TEP1: variants seen among roughly 807,000 people sequenced by gnomAD.
TEP1 encodes telomerase protein component 1.
A neutral mutation model predicts 306.3 loss-of-function variants in TEP1; 241 were observed. The ratio of observed to expected loss-of-function variants is 0.79; its 90% CI spans 0.71 to 0.88. The LOEUF (loss-of-function observed/expected upper bound fraction) is 0.88, where lower values mean the gene tolerates loss of function less well. Ranked by LOEUF, TEP1 falls within the 40% of genes least tolerant of loss-of-function variation. The probability of loss-of-function intolerance (pLI) is 0.00; values close to 1 mark genes in which losing one functional copy is unlikely to be tolerated. For missense variants in TEP1, 3,051 were observed against 3,276.1 expected (o/e 0.93, Z 1.68); for synonymous variants, 1,289 against 1,305.5 (o/e 0.99, Z 0.27).
chr14:20,369,763 C>T lies in TEP1; in HGVS notation c.7334G>A (p.Gly2445Glu), dbSNP rs199748092. The change falls in exon 52 of 55, where the codon GGA becomes GAA. Residue 2445 changes from glycine to glutamate, a missense_variant. By Grantham distance (98) the Gly-to-Glu change is moderately conservative. Around this residue, in one of 3 missense-constraint regions of TEP1, gnomAD observed 1,540 missense variants for 1,705.9 expected, o/e 0.90. Transcript: ENST00000262715. ...AAAGTTCAGCCTCTCTTCAAACTCT[C>T]CTGATTCCTTTTGCCTCTGTGAAAG... Reference protein sequence around the residue: ...VLSFLRQKESGEFEERLNFDI... With the variant: ...VLSFLRQKESEEFEERLNFDI... The T allele has an allele frequency of 3.7e-6, 6 of 1,614,046 alleles. No individual in the cohort carries two copies. In the East Asian group the frequency reaches 1.1e-4, roughly 30 times the overall value.
intron 1 of TEP1, among the ~76,000 whole-genome samples, chr14:20,408,918 C>T (rs1314185478): frequency 4.6e-5 from 7 of 151,938 alleles, no homozygotes; most frequent in Admixed American, 4.6e-4. Flanking sequence ...ACCCCCCTGA[C>T]CCCCGCTGCA....
chr14:20,368,747 T>C (rs371032172), intron 54 of TEP1, 51 bp downstream of exon 54: 44 of 1,501,704 alleles, frequency 2.9e-5, no homozygotes, highest in Non-Finnish European at 3.7e-5. Context: ...CCCTTTGGGA[T>C]AGGTGTGCAG....
rs1244951681 is a variant in TEP1, at chr14:20,406,321, TC to T, written c.646del (p.Glu216ArgfsTer8). 6.2e-7 allele frequency: 1 copy of T among 1,614,088 alleles called. No homozygotes were observed. Among genetic ancestry groups the T allele is most frequent in the Non-Finnish European group, 8.5e-7 (1 of 1,180,004 alleles). ...PSYSLSLGEEEEVEDLAVKLT... is the reference protein window; with the variant it reads ...PSYSLSLGEEXEVEDLAVKLT... ...CTTCACGGCCAGATCCTCCACCTCC[TC>T]CTCCTCTCCCAAGCTCAGACTATAA... On this transcript the variant is annotated frameshift_variant, in exon 3 of 55. Transcript: ENST00000262715. LOFTEE classifies it high-confidence loss of function.
chr14:20,386,666 C>T, intron 18 of TEP1, 43 bp from the exon 19 acceptor site: 1 of 1,519,930 alleles, frequency 6.6e-7, no homozygotes, highest in Non-Finnish European at 8.8e-7. Context: ...GGGATGATTC[C>T]CACCCCCCAT....
At chr14:20,374,220 G>A (rs777909204) in intron 44 of TEP1, among the ~76,000 whole-genome samples, 2 of 151,974 alleles carry the variant, frequency 1.3e-5, no homozygotes, top group Non-Finnish European at 2.9e-5. Context: ...CTCCTGAGTA[G>A]CTAGAACTAC....
At position 20,391,772 on chromosome 14, in the gene TEP1, A is replaced by C; in HGVS notation, c.1929-5T>G. The C allele has an allele frequency of 1.2e-6, 2 of 1,613,544 alleles. No homozygotes were observed. The highest frequency in any genetic ancestry group is 1.7e-6 in the Non-Finnish European group (2 of 1,179,532). ...TCACCATCATATTTCCACTGTCTAC[A>C]TGCAAGAAAGACACAGACACAGGGG... is the stretch of plus-strand genomic sequence containing the variant. On this transcript the variant is annotated splice_region_variant and splice_polypyrimidine_tract_variant and intron_variant, in intron 12 of 54. Transcript: ENST00000262715.
Position 20,384,653 on chromosome 14 carries a change from C to T in TEP1, c.3168G>A (p.Arg1056=). ...FVSESEEAAR[R]ISELKSYLSR... is the part of the protein sequence containing the mutation. ...TTAGGTAGCTCTTCAGTTCTGAGAT[C>T]CGACGTGCGGCCTCTTCAGACTCAG... The change falls in exon 22 of 55, where the codon CGG becomes CGA. Residue 1056 remains arginine (R), a synonymous_variant. Transcript: ENST00000262715. 6.2e-7 allele frequency: 1 copy of T among 1,613,964 alleles called. No individual in the cohort carries two copies. The highest frequency in any genetic ancestry group is 8.5e-7 in the Non-Finnish European group (1 of 1,180,038).
chr14:20,393,060 C>CA (rs1877860185), intron 12 of TEP1, among the ~76,000 whole-genome samples: 1 of 151,604 alleles, frequency 6.6e-6, no homozygotes, highest in African/African-American at 2.4e-5. Context: ...AAAAAAAATA[C>CA]AAAAAAATTA....
chr14:20,394,784 A>C (rs1878047916), intron 12 of TEP1, among the ~76,000 whole-genome samples: 1 of 152,132 alleles, frequency 6.6e-6, no homozygotes, highest in South Asian at 2.1e-4. Flanking sequence ...GTGAGCCACC[A>C]CACCCAGCCA....
intron 16 of TEP1, 102 bp downstream of exon 16, chr14:20,389,508 G>A: frequency 6.5e-7 from 1 of 1,544,604 alleles, no homozygotes; most frequent in Non-Finnish European, 8.8e-7. Flanking sequence ...CAGAGTTGGG[G>A]AGATCCCTGC....
chr14:20,387,424 C>T (rs1157765848), intron 18 of TEP1, among the ~76,000 whole-genome samples: 5 of 150,908 alleles, frequency 3.3e-5, no homozygotes, highest in African/African-American at 4.9e-5. Flanking sequence ...TGGTGGCAGG[C>T]GCCTGTAGTC....
intron 15 of TEP1, 68 bp downstream of exon 15, chr14:20,390,611 GAA>G: frequency 6.7e-7 from 1 of 1,485,966 alleles, no homozygotes; most frequent in Middle Eastern, 1.7e-4. Context: ...TAAAGGTCAA[GAA>G]ATGAAATATA....
In TEP1 at chr14:20,369,356, C is replaced by T; in HGVS notation, c.7644G>A (p.Arg2548=). ...CCTTCAAACTCACCTTTCTACGCTG[C>T]CGTGTCTTTAGATGTGGTGTTGGCT... The part of the protein sequence containing the change: ...DSEPTPHLKT[R]QRRKIHSGSV... The change falls in exon 53 of 55, where the codon CGG becomes CGA. Residue 2548 remains arginine, a synonymous_variant. Transcript: ENST00000262715. The T allele has an allele frequency of 6.2e-7, 1 of 1,614,110 alleles. No individual in the cohort carries two copies. Among genetic ancestry groups the T allele is most frequent in the Non-Finnish European group, 8.5e-7 (1 of 1,180,008 alleles).
intron 7 of TEP1, among the ~76,000 whole-genome samples, chr14:20,403,032 C>A (rs768798273): frequency 6.6e-6 from 1 of 152,010 alleles, no homozygotes; most frequent in Non-Finnish European, 1.5e-5. Flanking sequence ...TGGCACACGC[C>A]TGTAGTCCCA....
intron 33 of TEP1, 60 bp from the exon 34 acceptor site, chr14:20,380,535 C>A: frequency 6.5e-7 from 1 of 1,549,114 alleles, no homozygotes; most frequent in African/African-American, 1.4e-5. Context: ...GCCCCAGCAC[C>A]AAATAAAACC....
Position 20,391,694 on chromosome 14 carries a change from T to G in TEP1, c.2002A>C (p.Lys668Gln). 1 of 1,614,216 alleles carries G rather than the reference T, an allele frequency of 6.2e-7. No individual in the cohort carries two copies. Among genetic ancestry groups the G allele is most frequent in the Non-Finnish European group, 8.5e-7 (1 of 1,180,038 alleles). ...CCTGGCAGCAGGGGCAGGCTGTGCTTCACAGAGAGGTTCACAGCTGTCTCT... is the reference window on the plus strand; with the variant it reads ...CCTGGCAGCAGGGGCAGGCTGTGCTGCACAGAGAGGTTCACAGCTGTCTCT... ...ALETAVNLSV[K>Q]HSLPLLPGRT... The change falls in exon 13 of 55, where the codon AAG becomes CAG. Residue 668 changes from lysine to glutamine, a missense_variant. This residue lies in a region of TEP1 where 1,507 missense variants were observed against 1,550.5 expected (regional missense o/e 0.97). Transcript: ENST00000262715.
chr14:20,381,581 T>C lies in TEP1; in HGVS notation c.4530A>G (p.Leu1510=). 1.2e-6 allele frequency: 2 copies of C among 1,613,886 alleles called. No homozygotes were observed. The highest frequency in any genetic ancestry group is 2.2e-5 in the East Asian group (1 of 44,880). The change falls in exon 31 of 55, where the codon CTA becomes CTG. Residue 1510 remains leucine (L), a synonymous_variant. Coordinates refer to ENST00000262715, the MANE Select transcript of TEP1 (RefSeq NM_007110.5). This position sits in a 1 kb window ranked among gnomAD's most constrained non-coding sequence, Gnocchi z 4.0. The part of the protein sequence containing the change: ...AKRCYGKRPG[L]EDTAHILIAA... ...CAATGAGGATGTGTGCCGTGTCCTC[T>C]AGCCCTGGCCTCTTCCCATAGCAAC...
rs1396345006 is a variant in TEP1 at position 20,395,440 on chromosome 14, G to A, written c.1928+10C>T. 1.0e-5 allele frequency: 16 copies of A among 1,577,788 alleles called. No individual in the cohort carries two copies. Among genetic ancestry groups the A allele is most frequent in the Non-Finnish European group, 1.4e-5 (16 of 1,152,906 alleles). On this transcript the variant is annotated intron_variant, in intron 12 of 54. Transcript: ENST00000262715. ...TGCCCACCCTTGGCTCCCAGACAGT[G>A]CATACATACCTGGCCTTGTGTACTC... is the stretch of plus-strand genomic sequence containing the variant.
chr14:20,386,732 A>T, intron 18 of TEP1, 109 bp from the exon 19 acceptor site: 2 of 1,242,144 alleles, frequency 1.6e-6, no homozygotes, highest in Admixed American at 3.5e-5. Flanking sequence ...GGTACGACAG[A>T]CAGCAGATGG....
Sources: allele counts gnomAD v4.1 joint callset (sites outside exome capture counted in the v4.1 genomes callset), GRCh38; gene constraint gnomAD v4.1.1; regional missense constraint gnomAD v4.1.1; non-coding constraint Gnocchi (gnomAD v3.1); transcripts MANE v1.5; gene names NCBI Gene and HGNC (gene_info 2026-07-23, HGNC 2026-07-21).